RERE: variants seen among roughly 807,000 people sequenced by gnomAD.
RERE encodes the protein arginine-glutamic acid dipeptide repeats protein.
In RERE, 40 loss-of-function variants were observed where a neutral mutation model predicts 146.1. That is an observed-to-expected ratio of 0.27 (90% CI 0.21 to 0.36). The LOEUF is 0.36. Among genes scored for constraint, RERE ranks in the 10% least tolerant of loss-of-function variants. The pLI is 1.00. For synonymous variants in RERE, 1,003 were observed against 866.0 expected (o/e 1.16, Z -2.78); for missense variants, 1,933 against 2,138.7 (o/e 0.90, Z 1.90).
At chr1:8,588,192 T>C (rs1340912008) in intron 4 of RERE, among the ~76,000 whole-genome samples, 1 of 152,234 alleles carries the variant, frequency 6.6e-6, no homozygotes, top group Admixed American at 6.5e-5. Flanking sequence ...GCAGTATTTA[T>C]TTAATAAATG....
At chr1:8,468,902 A>G (rs1644642197) in intron 10 of RERE, among the ~76,000 whole-genome samples, 1 of 146,972 alleles carries the variant, frequency 6.8e-6, no homozygotes, top group Admixed American at 6.8e-5. Flanking sequence ...GCCTCCAATA[A>G]AAAAAAAAAG....
intron 6 of RERE, among the ~76,000 whole-genome samples, chr1:8,542,698 G>T (rs1433522681): frequency 1.3e-5 from 2 of 152,112 alleles, no homozygotes; most frequent in African/African-American, 4.8e-5. Context: ...GTAGATGGGA[G>T]TCTCACTAGG....
At chr1:8,558,962 T>C (rs891756336) in intron 4 of RERE, among the ~76,000 whole-genome samples, 2 of 151,168 alleles carry the variant, frequency 1.3e-5, no homozygotes, top group South Asian at 4.2e-4. Context: ...TGCCCAGCTA[T>C]TTTTTGTATT....
At chr1:8,391,703 A>G (rs957120512) in intron 12 of RERE, among the ~76,000 whole-genome samples, 5 of 152,200 alleles carry the variant, frequency 3.3e-5, no homozygotes, top group South Asian at 2.1e-4. Context: ...TTATAATTAT[A>G]TATCTAATTA....
intron 7 of RERE, among the ~76,000 whole-genome samples, chr1:8,525,333 A>T (rs1248930987): frequency 6.6e-6 from 1 of 152,198 alleles, no homozygotes; most frequent in Non-Finnish European, 1.5e-5. Context: ...CCCACCTACC[A>T]TCCTTCCTAA....
At chr1:8,414,580 AG>A (rs1643710979) in intron 12 of RERE, among the ~76,000 whole-genome samples, 1 of 151,998 alleles carries the variant, frequency 6.6e-6, no homozygotes, top group Admixed American at 6.6e-5. Context: ...ACATTTCAAT[AG>A]TCAAATCCTG....
intron 4 of RERE, among the ~76,000 whole-genome samples, chr1:8,590,123 A>G (rs1216358643): frequency 1.3e-5 from 2 of 152,160 alleles, no homozygotes; most frequent in Admixed American, 6.5e-5. Context: ...TCCATCTGAG[A>G]GCTGGCCAGA....
chr1:8,502,772 T>A (rs983786125), intron 8 of RERE, among the ~76,000 whole-genome samples: 35 of 148,046 alleles, frequency 2.4e-4, no homozygotes, highest in African/African-American at 8.8e-4. Flanking sequence ...GGGATCCTGT[T>A]GATCTGTGAC....
chr1:8,449,955 C>A (rs1401684799), intron 11 of RERE, among the ~76,000 whole-genome samples: 1 of 152,186 alleles, frequency 6.6e-6, no homozygotes, highest in African/African-American at 2.4e-5. Flanking sequence ...AACTTCTACC[C>A]TACTCAGTCT....
Position 8,685,051 on chromosome 1 carries a change from T to C in RERE, c.-144-28610A>G, listed in dbSNP as rs555060276. Reference sequence around the variant, plus strand: ...TTTTCAATTTTTTGTAGAGACAAGGTCTCACTATGTTACTCAGGGTGGTCT... The same window carrying C: ...TTTTCAATTTTTTGTAGAGACAAGGCCTCACTATGTTACTCAGGGTGGTCT... On this transcript the variant is annotated intron_variant, in intron 1 of 22. Transcript: ENST00000400908. Among the ~76,000 whole-genome samples, 3 of 152,216 alleles carry C rather than the reference T, an allele frequency of 2.0e-5. No homozygotes were observed. The East Asian group carries it at 5.8e-4, about 29-fold the overall frequency.
chr1:8,475,230 C>T (rs369399157), intron 10 of RERE, among the ~76,000 whole-genome samples: 7 of 149,892 alleles, frequency 4.7e-5, no homozygotes, highest in Non-Finnish European at 8.9e-5. Context: ...AAAAATTAGC[C>T]GGGTGTGGTG....
intron 1 of RERE, among the ~76,000 whole-genome samples, chr1:8,742,235 T>C (rs1640323721): frequency 6.6e-6 from 1 of 152,212 alleles, no homozygotes; most frequent in Non-Finnish European, 1.5e-5. Flanking sequence ...ACCACAGTTC[T>C]AGAGTCATTA....
At chr1:8,780,515 A>C (rs542236008) in intron 1 of RERE, among the ~76,000 whole-genome samples, 5 of 152,246 alleles carry the variant, frequency 3.3e-5, no homozygotes, top group Non-Finnish European at 5.9e-5. Flanking sequence ...CAAGTAATTT[A>C]GGTCATCTGA....
At chr1:8,375,981 C>T (rs559022341) in intron 12 of RERE, among the ~76,000 whole-genome samples, 1 of 152,250 alleles carries the variant, frequency 6.6e-6, no homozygotes, top group East Asian at 1.9e-4. Flanking sequence ...TCACAGACTC[C>T]CAAATAGATA....
At chr1:8,572,693 GA>G (rs1443451172) in intron 4 of RERE, among the ~76,000 whole-genome samples, 2 of 152,164 alleles carry the variant, frequency 1.3e-5, no homozygotes, top group Non-Finnish European at 2.9e-5. Context: ...GGAAAAACAG[GA>G]AGTCCCAGTC....
chr1:8,778,174 T>C (rs1195162324), intron 1 of RERE, among the ~76,000 whole-genome samples: 2 of 152,174 alleles, frequency 1.3e-5, no homozygotes, highest in African/African-American at 2.4e-5. Flanking sequence ...AGACAGTGAG[T>C]TAAAGTATCA....
chr1:8,502,226 C>T (rs1171895698), intron 8 of RERE, among the ~76,000 whole-genome samples: 8 of 106,364 alleles, frequency 7.5e-5, no homozygotes, highest in Non-Finnish European at 1.2e-4. Context: ...ATCAGCCCCC[C>T]GCCTGGCCAG....
intron 7 of RERE, among the ~76,000 whole-genome samples, chr1:8,523,080 A>C (rs1645524663): frequency 6.6e-6 from 1 of 152,134 alleles, no homozygotes. Context: ...TGGGAGGCTG[A>C]GGCAGGAGAA....
intron 12 of RERE, among the ~76,000 whole-genome samples, chr1:8,366,824 C>T (rs188363442): frequency 6.6e-6 from 1 of 150,776 alleles, no homozygotes; most frequent in East Asian, 2.0e-4. Context: ...GCCCTCAGGG[C>T]GCTGCAGGCT....
Sources: allele counts gnomAD v4.1 joint callset (sites outside exome capture counted in the v4.1 genomes callset), GRCh38; gene constraint gnomAD v4.1.1; transcripts MANE v1.5; gene names NCBI Gene and HGNC (gene_info 2026-07-23, HGNC 2026-07-21).